The following VPS26C variants were observed in gnomAD, a reference collection of about 807,000 sequenced individuals.
VPS26C encodes the protein vacuolar protein sorting-associated protein 26C.
In VPS26C, 19 loss-of-function variants were observed where a neutral mutation model predicts 30.6. The observed-to-expected ratio is 0.62, with a 90% CI of 0.43 to 0.91. The LOEUF (loss-of-function observed/expected upper bound fraction) is 0.91, where lower values mean the gene tolerates loss of function less well. Ranked by LOEUF, VPS26C falls within the 40% of genes least tolerant of loss-of-function variation. The pLI is 0.00. For synonymous variants in VPS26C, 132 were observed against 151.5 expected, an observed-to-expected ratio of 0.87 and a Z score of 0.95; for missense variants, 318 against 385.1, an observed-to-expected ratio of 0.83 and a Z score of 1.46.
chr21:37,257,803 G>A lies in VPS26C; in HGVS notation c.57+9435C>T, dbSNP rs537340080. 1.3e-4 allele frequency among the ~76,000 whole-genome samples: 20 copies of A among 152,340 alleles called. No homozygotes were observed. Among genetic ancestry groups the A allele is most frequent in the Non-Finnish European group, 2.2e-4 (15 of 68,034 alleles). The stretch of plus-strand genomic sequence containing the variant: ...GGGGACAAAGGGGCAGCAAGGGACC[G>A]GCGGAAAGGAAAGTCGGCGTTAGCT... On this transcript the variant is annotated intron_variant, in intron 1 of 7. Coordinates refer to ENST00000309117, the MANE Select transcript of VPS26C (RefSeq NM_006052.2). The surrounding 1 kb of genome is among the most constrained non-coding windows in gnomAD (Gnocchi z 4.2).
In VPS26C at chr21:37,267,224, C is replaced by A; in HGVS notation, c.57+14G>T. On this transcript the variant is annotated intron_variant, in intron 1 of 7. Coordinates refer to ENST00000309117, the MANE Select transcript of VPS26C (RefSeq NM_006052.2). ...CCAACCCCACCTCCATCCCCACCCC[C>A]AGCCCCCACTTACCCCGGCGTGATA... The A allele has an allele frequency of 7.8e-6, 12 of 1,541,488 alleles. No individual in the cohort carries two copies. Among genetic ancestry groups the A allele is most frequent in the Non-Finnish European group, 1.1e-5 (12 of 1,117,980 alleles).
upstream of VPS26C, chr21:37,267,606 G>A (rs1176765396): frequency 9.7e-6 from 4 of 410,642 alleles, no homozygotes; most frequent in Non-Finnish European, 1.8e-5. Context: ...CGCCGGAAAT[G>A]CTCCTTTGCT....
intron 1 of VPS26C, among the ~76,000 whole-genome samples, chr21:37,260,467 A>G (rs1331034394): frequency 6.6e-6 from 1 of 152,186 alleles, no homozygotes; most frequent in East Asian, 1.9e-4. Context: ...GGATTGCTTG[A>G]GGCCAGGAGT....
intron 1 of VPS26C, chr21:37,261,809 A>C (rs2086307135): frequency 6.6e-6 from 1 of 152,192 alleles, no homozygotes; most frequent in Non-Finnish European, 1.5e-5. Flanking sequence ...CCAAACCATG[A>C]AACCTCATCA....
chr21:37,267,377 C>G (rs2086379570), upstream of VPS26C: 1 of 1,272,920 alleles, frequency 7.9e-7, no homozygotes, highest in Admixed American at 1.8e-5. Context: ...TCGTTCTGGG[C>G]CCCGCCCCTT....
intron 1 of VPS26C, among the ~76,000 whole-genome samples, chr21:37,245,895 G>A (rs939530458): frequency 6.6e-6 from 1 of 151,922 alleles, no homozygotes; most frequent in African/African-American, 2.4e-5. Flanking sequence ...GGAAAGCTCA[G>A]AAAAGAAGTA....
Position 37,238,496 on chromosome 21 carries a change from C to T in VPS26C, c.315G>A (p.Leu105=), listed in dbSNP as rs142759447. 2.5e-5 allele frequency: 40 copies of T among 1,614,184 alleles called. No individual in the cohort carries two copies. In the African/African-American group the frequency reaches 3.9e-4, roughly 16 times the overall value. The change falls in exon 3 of 8, where the codon CTG becomes CTA. Residue 105 remains leucine, a synonymous_variant. Transcript: ENST00000309117. ...CAAACACGCCATGATACGTCTCATA[C>T]AGAACTTTGTTACCCTTCAAGTGCA... ...FPLHLKGNKV[L]YETYHGVFVN...
At chr21:37,263,754 A>G in intron 1 of VPS26C, among the ~76,000 whole-genome samples, 1 of 152,212 alleles carries the variant, frequency 6.6e-6, no homozygotes, top group East Asian at 1.9e-4. Context: ...GCAACCCATA[A>G]GAATTGTAGG....
chr21:37,248,472 A>T (rs906546952), intron 1 of VPS26C, among the ~76,000 whole-genome samples: 1 of 152,172 alleles, frequency 6.6e-6, no homozygotes. Flanking sequence ...ATTCAACACT[A>T]TTCAACTGTA....
At chr21:37,246,834 T>G (rs2086142356) in intron 1 of VPS26C, among the ~76,000 whole-genome samples, 1 of 152,228 alleles carries the variant, frequency 6.6e-6, no homozygotes, top group South Asian at 2.1e-4. Flanking sequence ...CATAGCTCAC[T>G]GCAACCTCCA....
At chr21:37,232,011 G>C (rs920220507) in intron 5 of VPS26C, 1 of 232,082 alleles carries the variant, frequency 4.3e-6, no homozygotes, top group African/African-American at 2.2e-5. Context: ...ATCCATGGAG[G>C]ATGACAACAG....
intron 5 of VPS26C, among the ~76,000 whole-genome samples, chr21:37,229,797 C>G (rs1294444939): frequency 6.6e-6 from 1 of 152,126 alleles, no homozygotes; most frequent in Admixed American, 6.5e-5. Flanking sequence ...CTGAAAAGCC[C>G]GGGACTCTGG....
At chr21:37,227,134 C>T (rs2085907973) in intron 7 of VPS26C, 1 of 153,332 alleles carries the variant, frequency 6.5e-6, no homozygotes, top group African/African-American at 2.4e-5. Flanking sequence ...CAAGGCCTTC[C>T]TGCTTCTGAG....
In VPS26C at chr21:37,248,116, G is replaced by A. The variant is rs146118755; in HGVS notation, c.58-7477C>T. On this transcript the variant is annotated intron_variant, in intron 1 of 7. Coordinates refer to ENST00000309117, the MANE Select transcript of VPS26C (RefSeq NM_006052.2). Reference sequence around the variant, plus strand: ...AGGAGAAACTGAGTAAAACAAATTCGTTGTGGGAGACATTAATTTACAGAT... The same window carrying A: ...AGGAGAAACTGAGTAAAACAAATTCATTGTGGGAGACATTAATTTACAGAT... Among the ~76,000 whole-genome samples, 645 of 152,194 alleles carry A rather than the reference G, an allele frequency of 4.2e-3. 1 individual carries two copies. The highest frequency in any genetic ancestry group is 6.6e-3 in the Non-Finnish European group (449 of 67,994).
At chr21:37,259,801 A>G (rs2086285916) in intron 1 of VPS26C, among the ~76,000 whole-genome samples, 1 of 152,140 alleles carries the variant, frequency 6.6e-6, no homozygotes, top group African/African-American at 2.4e-5. Flanking sequence ...ACAATCTGTG[A>G]AGCATCTGAC....
chr21:37,238,163 T>C (rs1351673731), intron 3 of VPS26C: 1 of 344,862 alleles, frequency 2.9e-6, no homozygotes, highest in Non-Finnish European at 5.3e-6. Context: ...GGCATATCTG[T>C]TACCAGACAA....
chr21:37,229,279 A>G (rs909780154), intron 5 of VPS26C: 2 of 152,368 alleles, frequency 1.3e-5, no homozygotes, highest in Non-Finnish European at 2.9e-5. Context: ...ATATATTAAC[A>G]CTAATGATAG....
chr21:37,266,182 T>G (rs2086359219), intron 1 of VPS26C, among the ~76,000 whole-genome samples: 1 of 152,074 alleles, frequency 6.6e-6, no homozygotes, highest in Admixed American at 6.6e-5. Context: ...CCTCCCAAAG[T>G]GCTGGTAATA....
intron 1 of VPS26C, among the ~76,000 whole-genome samples, chr21:37,263,016 C>T (rs748722395): frequency 9.2e-5 from 14 of 152,148 alleles, no homozygotes; most frequent in Non-Finnish European, 2.1e-4. Flanking sequence ...CTGCCTACCT[C>T]GGCCTCCCAA....
Sources: gnomAD v4.1 joint callset for allele counts (sites outside exome capture counted in the v4.1 genomes callset) on GRCh38, gnomAD v4.1.1 for gene constraint, Gnocchi (gnomAD v3.1) non-coding constraint, MANE v1.5 for transcripts, NCBI Gene and HGNC (gene_info 2026-07-23, HGNC 2026-07-21) for gene names.